SLC35D4: variants seen among roughly 807,000 people sequenced by gnomAD.
SLC35D4 encodes UDP-N-acetylglucosamine transporter SLC35D4.
the SLC35D4 span, among the ~76,000 whole-genome samples, chr18:23,397,605 T>C: frequency 1.3e-5 from 2 of 152,236 alleles, no homozygotes; most frequent in African/African-American, 4.8e-5. Flanking sequence ...CTGGTAAATC[T>C]TCCTTTTGCT....
At chr18:23,328,811 C>T in the SLC35D4 span, among the ~76,000 whole-genome samples, 1 of 152,208 alleles carries the variant, frequency 6.6e-6, no homozygotes, top group Non-Finnish European at 1.5e-5. Context: ...AACTATACTA[C>T]AAGGCTACAG....
At chr18:23,309,623 A>G in the SLC35D4 span, 1 of 1,499,690 alleles carries the variant, frequency 6.7e-7, no homozygotes. Context: ...AAAATTTAGT[A>G]TCCTGATGAA....
At chr18:23,328,253 G>A in the SLC35D4 span, among the ~76,000 whole-genome samples, 1 of 152,130 alleles carries the variant, frequency 6.6e-6, no homozygotes, top group Admixed American at 6.5e-5. Flanking sequence ...AGGAAAAGAG[G>A]AAGTCAAATT....
At chr18:23,240,080 T>C in the SLC35D4 span, among the ~76,000 whole-genome samples, 3 of 152,186 alleles carry the variant, frequency 2.0e-5, no homozygotes, top group African/African-American at 7.2e-5. Flanking sequence ...ATTGTGCCAC[T>C]GCACTCCAGC....
chr18:23,354,222 C>G, the SLC35D4 span, among the ~76,000 whole-genome samples: 3 of 152,028 alleles, frequency 2.0e-5, no homozygotes, highest in African/African-American at 4.8e-5. Context: ...TGAGATATGG[C>G]CAGGTGCGGT....
the SLC35D4 span, among the ~76,000 whole-genome samples, chr18:23,400,820 A>G: frequency 3.3e-5 from 5 of 152,272 alleles, no homozygotes; most frequent in Admixed American, 6.5e-5. Context: ...ATGGGCAAGC[A>G]CTCCATCCAA....
chr18:23,389,030 C>T, the SLC35D4 span, among the ~76,000 whole-genome samples: 3 of 146,704 alleles, frequency 2.0e-5, no homozygotes, highest in Non-Finnish European at 4.5e-5. Flanking sequence ...TGCTCTGTCA[C>T]CCAGGCCAGA....
At chr18:23,400,201 G>A in the SLC35D4 span, among the ~76,000 whole-genome samples, 17,606 of 152,024 alleles carry the variant, frequency 0.12, 1,111 homozygotes, top group Middle Eastern at 0.19. Flanking sequence ...ACTTCCGAAG[G>A]GTACATTTAT....
chr18:23,331,425 C>T, the SLC35D4 span: 1 of 152,172 alleles, frequency 6.6e-6, no homozygotes, highest in African/African-American at 2.4e-5. Context: ...GGAGACACCA[C>T]AAAGCAAGAG....
chr18:23,255,678 G>A, the SLC35D4 span, among the ~76,000 whole-genome samples: 3 of 148,962 alleles, frequency 2.0e-5, no homozygotes, highest in Non-Finnish European at 4.4e-5. Flanking sequence ...TCCCATCTCC[G>A]CCTCCCAAGT....
At chr18:23,353,886 T>C in the SLC35D4 span, among the ~76,000 whole-genome samples, 1 of 152,194 alleles carries the variant, frequency 6.6e-6, no homozygotes, top group Non-Finnish European at 1.5e-5. Flanking sequence ...ATAGCAGTCC[T>C]CATCCTATCT....
the SLC35D4 span, among the ~76,000 whole-genome samples, chr18:23,324,001 T>G: frequency 2.0e-5 from 3 of 151,002 alleles, no homozygotes; most frequent in African/African-American, 7.3e-5. Flanking sequence ...GAGAATCACT[T>G]GAACCCAGGA....
chr18:23,338,606 C>T, the SLC35D4 span, among the ~76,000 whole-genome samples: 1 of 152,160 alleles, frequency 6.6e-6, no homozygotes, highest in African/African-American at 2.4e-5. Context: ...TATGACTCTA[C>T]ATAATGCTCT....
the SLC35D4 span, among the ~76,000 whole-genome samples, chr18:23,388,313 A>G: frequency 6.6e-6 from 1 of 152,332 alleles, no homozygotes; most frequent in South Asian, 2.1e-4. Flanking sequence ...TGTGTTAAAC[A>G]TAGTGCTAAG....
chr18:23,265,273 T>G, the SLC35D4 span, among the ~76,000 whole-genome samples: 2 of 151,988 alleles, frequency 1.3e-5, no homozygotes, highest in African/African-American at 4.8e-5. Context: ...CGGCCCAGCC[T>G]CCACCCCAGC....
the SLC35D4 span, among the ~76,000 whole-genome samples, chr18:23,349,126 TATA>T: frequency 5.1e-4 from 78 of 152,344 alleles, no homozygotes; most frequent in African/African-American, 1.8e-3. Flanking sequence ...ACAGTTTGAT[TATA>T]ATGTGTCTAG....
At chr18:23,416,564 T>A in the SLC35D4 span, among the ~76,000 whole-genome samples, 2 of 152,268 alleles carry the variant, frequency 1.3e-5, no homozygotes, top group African/African-American at 4.8e-5. Context: ...GGGTGCTGGA[T>A]CCTTCTGCTA....
the SLC35D4 span, among the ~76,000 whole-genome samples, chr18:23,350,751 A>G: frequency 1.3e-5 from 2 of 152,044 alleles, no homozygotes; most frequent in Non-Finnish European, 2.9e-5. Context: ...TCCTCCAAAC[A>G]GAGTGAACCC....
At chr18:23,259,735 C>T in the SLC35D4 span, 4 of 152,220 alleles carry the variant, frequency 2.6e-5, no homozygotes. Flanking sequence ...CCAGACACGT[C>T]GCAGCCTTGG....
Sources: allele counts gnomAD v4.1 joint callset (sites outside exome capture counted in the v4.1 genomes callset), GRCh38; gene constraint gnomAD v4.1.1; transcripts MANE v1.5; gene names NCBI Gene and HGNC (gene_info 2026-07-23, HGNC 2026-07-21).